DNAI3: variants seen among roughly 807,000 people sequenced by gnomAD.
The protein encoded by DNAI3 is dynein axonemal intermediate chain 3.
A neutral mutation model predicts 115.5 loss-of-function variants in DNAI3; 83 were observed. The observed-to-expected ratio is 0.72, with a 90% CI of 0.60 to 0.86. The LOEUF (loss-of-function observed/expected upper bound fraction) is 0.86, where lower values mean the gene tolerates loss of function less well. Ranked by LOEUF, DNAI3 falls within the 40% of genes least tolerant of loss-of-function variation. The pLI, the probability that DNAI3 is intolerant of heterozygous loss-of-function variation, is 0.00. For missense variants in DNAI3, 1,004 were observed against 1,075.8 expected (o/e 0.93, Z 0.93); for synonymous variants, 320 against 347.0 (o/e 0.92, Z 0.86).
At chr1:85,080,046 C>CTTTTTTTTT (rs35938324) in intron 3 of DNAI3, among the ~76,000 whole-genome samples, 1 of 68,396 alleles carries the variant, frequency 1.5e-5, no homozygotes, top group Admixed American at 2.0e-4. Context: ...TTTTCTTTTT[C>CTTTTTTTTT]TTTTTTTTTT....
chr1:85,128,913 T>A, intron 21 of DNAI3, 114 bp downstream of exon 21: 1 of 857,024 alleles, frequency 1.2e-6, no homozygotes, highest in Non-Finnish European at 1.9e-6. Context: ...AACAAAAGAC[T>A]CATACAGTAA....
intron 15 of DNAI3, among the ~76,000 whole-genome samples, chr1:85,108,519 A>G (rs1655559037): frequency 6.6e-6 from 1 of 152,214 alleles, no homozygotes; most frequent in South Asian, 2.1e-4. Context: ...TTTGCAATAT[A>G]CAGAAAAAGG....
chr1:85,118,158 T>C (rs1655889174), intron 17 of DNAI3, among the ~76,000 whole-genome samples: 1 of 152,172 alleles, frequency 6.6e-6, no homozygotes, highest in Admixed American at 6.5e-5. Flanking sequence ...CCATACTAAG[T>C]GTTAGAGATT....
intron 8 of DNAI3, among the ~76,000 whole-genome samples, chr1:85,090,729 A>G (rs1039505685): frequency 6.6e-6 from 1 of 152,146 alleles, no homozygotes; most frequent in Non-Finnish European, 1.5e-5. Context: ...GCTTTGAAAG[A>G]GAAGCATCTT....
In DNAI3 at chr1:85,109,991, CCCA is replaced by C. The variant is rs1052191551; in HGVS notation, c.1699-56_1699-54del. ...AGAAGGGAAAGGCAAGAATAAATTA[CCCA>C]AGGATAATTTCAGGATATGTGGAAA... On this transcript the variant is annotated intron_variant, in intron 15 of 22. Coordinates refer to ENST00000294664, the MANE Select transcript of DNAI3 (RefSeq NM_145172.5). 1.2e-5 allele frequency: 18 copies of C among 1,516,916 alleles called. 1 individual carries two copies. The highest frequency in any genetic ancestry group is 1.6e-5 in the Non-Finnish European group (18 of 1,096,150). 94.0% of individuals were successfully genotyped at this position (1,516,916 alleles called of 1,614,324 possible).
intron 14 of DNAI3, among the ~76,000 whole-genome samples, chr1:85,105,206 G>A (rs1465708562): frequency 1.3e-5 from 2 of 152,132 alleles, no homozygotes; most frequent in Non-Finnish European, 2.9e-5. Context: ...AAGGTGTGGA[G>A]TGGCAGAAGA....
At chr1:85,075,450 G>A (rs1382653002) in intron 3 of DNAI3, among the ~76,000 whole-genome samples, 1 of 152,118 alleles carries the variant, frequency 6.6e-6, no homozygotes, top group African/African-American at 2.4e-5. Flanking sequence ...GAACATTATG[G>A]TGAGACAAGT....
chr1:85,103,252 G>T (rs924743481), intron 13 of DNAI3, among the ~76,000 whole-genome samples: 3 of 152,124 alleles, frequency 2.0e-5, no homozygotes, highest in Admixed American at 1.3e-4. Context: ...ATCTTCACAG[G>T]TTGCCTCAAA....
chr1:85,108,558 C>G (rs973684363), intron 15 of DNAI3, among the ~76,000 whole-genome samples: 7 of 152,152 alleles, frequency 4.6e-5, no homozygotes, highest in Non-Finnish European at 7.4e-5. Flanking sequence ...GTCATTCTAA[C>G]TGTGCCAATA....
In DNAI3 at chr1:85,117,793, A is replaced by T; in HGVS notation, c.1851A>T (p.Glu617Asp). The T allele has an allele frequency of 6.2e-7, 1 of 1,613,944 alleles. No homozygotes were observed. Among genetic ancestry groups the T allele is most frequent in the Non-Finnish European group, 8.5e-7 (1 of 1,179,848 alleles). The change falls in exon 17 of 23, where the codon GAA becomes GAT. Residue 617 changes from glutamate to aspartate, a missense_variant. Glu to Asp is a conservative substitution (Grantham distance 45, BLOSUM62 2). This residue lies in a region of DNAI3 where 429 missense variants were observed against 454.3 expected (regional missense o/e 0.94). Coordinates refer to ENST00000294664, the MANE Select transcript of DNAI3 (RefSeq NM_145172.5). ...AAATGAACCCGTATCATAATCTGGA[A>T]AGTGGGATGGCCAATCTTCTCAAGC... Reference protein sequence around the residue: ...AEEMNPYHNLESGMANLLKPI... With the variant: ...AEEMNPYHNLDSGMANLLKPI...
chr1:85,082,016 G>A (rs556399017), intron 4 of DNAI3, among the ~76,000 whole-genome samples: 1 of 152,302 alleles, frequency 6.6e-6, no homozygotes, highest in East Asian at 1.9e-4. Flanking sequence ...TTTTGGTTCT[G>A]ATTTATCTCT....
chr1:85,121,147 G>A (rs965912339), intron 17 of DNAI3, among the ~76,000 whole-genome samples: 3 of 152,108 alleles, frequency 2.0e-5, no homozygotes, highest in African/African-American at 7.2e-5. Context: ...TAATTCATCG[G>A]TTCTCTCTGT....
intron 14 of DNAI3, among the ~76,000 whole-genome samples, chr1:85,106,097 G>T (rs187410077): frequency 6.6e-6 from 1 of 152,282 alleles, no homozygotes; most frequent in Non-Finnish European, 1.5e-5. Context: ...CCGAGATCAT[G>T]CCACTGCACT....
intron 20 of DNAI3, among the ~76,000 whole-genome samples, chr1:85,128,125 CAAAAAAAAAA>C (rs11344833): frequency 1.6e-5 from 1 of 64,394 alleles, no homozygotes; most frequent in African/African-American, 5.9e-5. Context: ...GACCCTGTCT[CAAAAAAAAAA>C]AAAAAAAAAA....
chr1:85,095,401 T>A (rs1410594144), intron 10 of DNAI3, among the ~76,000 whole-genome samples: 1 of 152,218 alleles, frequency 6.6e-6, no homozygotes, highest in African/African-American at 2.4e-5. Context: ...GATACTTTAA[T>A]GATTATAGAC....
intron 22 of DNAI3, among the ~76,000 whole-genome samples, 155 bp from the exon 23 acceptor site, chr1:85,132,700 C>T (rs556148602): frequency 2.0e-5 from 3 of 152,184 alleles, no homozygotes; most frequent in Admixed American, 1.3e-4. Context: ...CTGACTGCCT[C>T]CTGCCCACCT....
At chr1:85,091,991 T>C (rs1654990972) in intron 8 of DNAI3, among the ~76,000 whole-genome samples, 1 of 152,190 alleles carries the variant, frequency 6.6e-6, no homozygotes, top group Admixed American at 6.6e-5. Context: ...CAGAAAGAAA[T>C]ATGATTTGGA....
At chr1:85,073,169 C>T (rs766701315) in intron 3 of DNAI3, 77 bp downstream of exon 3, 157 of 1,068,316 alleles carry the variant, frequency 1.5e-4, no homozygotes, top group Non-Finnish European at 2.0e-4. Context: ...AGCAGGAATA[C>T]TACAAACTGA....
chr1:85,106,053 T>C (rs1020353795), intron 14 of DNAI3, among the ~76,000 whole-genome samples: 1 of 152,056 alleles, frequency 6.6e-6, no homozygotes, highest in Non-Finnish European at 1.5e-5. Context: ...GGCAGGAGAA[T>C]CACTTGAACC....
Sources: gnomAD v4.1 joint callset for allele counts (sites outside exome capture counted in the v4.1 genomes callset) on GRCh38, gnomAD v4.1.1 for gene constraint, gnomAD v4.1.1 regional missense constraint, MANE v1.5 for transcripts, NCBI Gene and HGNC (gene_info 2026-07-23, HGNC 2026-07-21) for gene names.